The following NRG1 variants were observed in gnomAD, a reference collection of about 807,000 sequenced individuals.
The protein encoded by NRG1 is neuregulin 1, also known as pro-neuregulin-1, membrane-bound isoform.
Under a neutral mutation model 63.8 loss-of-function variants are expected in NRG1, and 18 were observed. The observed-to-expected ratio is 0.28, with a 90% confidence interval of 0.19 to 0.42. NRG1 has a LOEUF of 0.42. Ranked by LOEUF, NRG1 falls within the 10% of genes least tolerant of loss-of-function variation. NRG1 has a pLI of 1.00. For synonymous variants in NRG1, 302 were observed against 301.3 expected (o/e 1.00, Z -0.02); for missense variants, 762 against 814.7 (o/e 0.94, Z 0.79).
intron 1 of NRG1, among the ~76,000 whole-genome samples, chr8:32,298,519 T>C (rs773135964): frequency 5.3e-5 from 8 of 151,866 alleles, no homozygotes; most frequent in Non-Finnish European, 1.2e-4. Context: ...AGTTCGAGAC[T>C]AGCTTGACCA....
At chr8:32,058,403 C>G (rs1474804783) in intron 1 of NRG1, among the ~76,000 whole-genome samples, 1 of 151,940 alleles carries the variant, frequency 6.6e-6, no homozygotes, top group East Asian at 1.9e-4. Context: ...TCCATAATTA[C>G]AATTAAAATT....
intron 5 of NRG1, among the ~76,000 whole-genome samples, chr8:32,638,546 T>G (rs576941607): frequency 7.0e-4 from 107 of 152,326 alleles, no homozygotes; most frequent in Middle Eastern, 6.8e-3. Context: ...TAGGCTGGTC[T>G]CGGACTCCTG....
chr8:32,038,802 G>A (rs1249630927), intron 1 of NRG1, among the ~76,000 whole-genome samples: 1 of 151,984 alleles, frequency 6.6e-6, no homozygotes, highest in Non-Finnish European at 1.5e-5. Context: ...GTCCTGCTAC[G>A]GTCTTTTGTA....
chr8:31,711,840 G>T (rs773976022), intron 1 of NRG1, among the ~76,000 whole-genome samples: 12 of 152,136 alleles, frequency 7.9e-5, no homozygotes, highest in Admixed American at 7.2e-4. Context: ...GTATCCTCAC[G>T]TAATGGAAGG....
chr8:31,852,866 A>C (rs1237764198), intron 1 of NRG1, among the ~76,000 whole-genome samples: 1 of 152,200 alleles, frequency 6.6e-6, no homozygotes, highest in Non-Finnish European at 1.5e-5. Flanking sequence ...TTAAATAGAG[A>C]ATCCTTTCCC....
At chr8:32,494,840 T>C (rs1480712207) in intron 1 of NRG1, among the ~76,000 whole-genome samples, 6 of 138,842 alleles carry the variant, frequency 4.3e-5, no homozygotes, top group African/African-American at 1.3e-4. Flanking sequence ...TAGTAAATTA[T>C]GTACACCCCC....
intron 1 of NRG1, among the ~76,000 whole-genome samples, chr8:32,474,679 T>G (rs552466482): frequency 1.1e-4 from 16 of 151,850 alleles, no homozygotes; most frequent in East Asian, 7.8e-4. Context: ...GTGTGTGTGT[T>G]TTTTTTAGTA....
At chr8:32,087,924 A>T (rs919068702) in intron 1 of NRG1, among the ~76,000 whole-genome samples, 2 of 152,138 alleles carry the variant, frequency 1.3e-5, no homozygotes, top group Non-Finnish European at 2.9e-5. Context: ...CTGTTCTAAG[A>T]CTTAGCTGAA....
chr8:32,378,754 T>C (rs955409711), intron 1 of NRG1, among the ~76,000 whole-genome samples: 4 of 151,880 alleles, frequency 2.6e-5, no homozygotes, highest in African/African-American at 9.7e-5. Context: ...TATCTCCAAA[T>C]GCTATCCCTC....
At chr8:32,749,229 T>G (rs1053746279) in intron 7 of NRG1, 4 of 291,064 alleles carry the variant, frequency 1.4e-5, no homozygotes, top group Non-Finnish European at 2.5e-5. Context: ...CCTTTTCTGA[T>G]TATAAAGATA....
At chr8:32,624,191 T>C (rs1050773756) in intron 5 of NRG1, among the ~76,000 whole-genome samples, 3 of 152,238 alleles carry the variant, frequency 2.0e-5, no homozygotes, top group Non-Finnish European at 4.4e-5. Flanking sequence ...ACTCCTTATC[T>C]AAACAGCACA....
intron 1 of NRG1, among the ~76,000 whole-genome samples, chr8:32,584,437 G>A (rs1158805909): frequency 1.3e-5 from 2 of 152,158 alleles, no homozygotes; most frequent in Non-Finnish European, 2.9e-5. Context: ...GTCAAATGTG[G>A]ACCCTGCTGA....
At chr8:32,346,698 T>A (rs1236999148) in intron 1 of NRG1, among the ~76,000 whole-genome samples, 2 of 152,206 alleles carry the variant, frequency 1.3e-5, no homozygotes, top group African/African-American at 4.8e-5. Flanking sequence ...GTCCATTTTT[T>A]AAAAATATTT....
chr8:32,152,824 C>T (rs1187512061), intron 1 of NRG1, among the ~76,000 whole-genome samples: 1 of 152,156 alleles, frequency 6.6e-6, no homozygotes, highest in Admixed American at 6.5e-5. Flanking sequence ...TGTGTATCCC[C>T]TTTCTTAGTA....
chr8:32,732,294 G>T (rs185149897), intron 6 of NRG1, among the ~76,000 whole-genome samples: 4 of 152,276 alleles, frequency 2.6e-5, no homozygotes, highest in Admixed American at 2.6e-4. Flanking sequence ...GTGGTTCAAA[G>T]AAACAAGACA....
rs1049629220 is a variant in NRG1 at position 31,956,258 on chromosome 8, G to A, written c.37+316827G>A. 2.0e-5 allele frequency among the ~76,000 whole-genome samples: 3 copies of A among 152,074 alleles called. No individual in the cohort carries two copies. In the South Asian group the frequency reaches 6.2e-4, roughly 32 times the overall value. Reference sequence around the variant, plus strand: ...AGAGAAAGAGAGTCAGTGCTGATAAGTATGAGGTAATGTGAATGTGTAGGC... The same window carrying A: ...AGAGAAAGAGAGTCAGTGCTGATAAATATGAGGTAATGTGAATGTGTAGGC... On this transcript the variant is annotated intron_variant, in intron 1 of 10. Coordinates refer to the NRG1 transcript ENST00000519301.
chr8:31,771,260 A>G (rs879436112), intron 1 of NRG1, among the ~76,000 whole-genome samples: 2 of 152,138 alleles, frequency 1.3e-5, no homozygotes, highest in African/African-American at 2.4e-5. Context: ...ACCTTTTGAG[A>G]TTGACTTTTT....
At chr8:31,696,413 A>T (rs529186514) in intron 1 of NRG1, among the ~76,000 whole-genome samples, 1 of 152,198 alleles carries the variant, frequency 6.6e-6, no homozygotes, top group African/African-American at 2.4e-5. Context: ...TTCAGAGGAT[A>T]TATCTGTGTA....
intron 1 of NRG1, among the ~76,000 whole-genome samples, chr8:31,854,741 G>A (rs1057506976): frequency 1.3e-5 from 2 of 151,834 alleles, no homozygotes; most frequent in African/African-American, 2.4e-5. Flanking sequence ...TTTCTCTTGT[G>A]GGCATTTAGT....
Sources: gnomAD v4.1 joint callset for allele counts (sites outside exome capture counted in the v4.1 genomes callset) on GRCh38, gnomAD v4.1.1 for gene constraint, MANE v1.5 for transcripts, NCBI Gene and HGNC (gene_info 2026-07-23, HGNC 2026-07-21) for gene names.